The following SYNCRIP variants were observed in gnomAD, a reference collection of about 807,000 sequenced individuals.
The protein encoded by SYNCRIP is synaptotagmin binding cytoplasmic RNA interacting protein.
In SYNCRIP, 9 loss-of-function variants were observed where a neutral mutation model predicts 68.9. The observed-to-expected ratio is 0.13, with a 90% CI of 0.08 to 0.23. The LOEUF (loss-of-function observed/expected upper bound fraction) is 0.23. SYNCRIP is among the 10% of genes least tolerant of loss of function. The pLI is 1.00. For synonymous variants in SYNCRIP, 258 were observed against 254.0 expected, an observed-to-expected ratio of 1.02 and a Z score of -0.15; for missense variants, 414 against 770.6, an observed-to-expected ratio of 0.54 and a Z score of 5.48.
At chr6:85,640,748 C>A (rs1048822074) in intron 2 of SYNCRIP, among the ~76,000 whole-genome samples, 184 bp from the exon 3 acceptor site, 1 of 151,358 alleles carries the variant, frequency 6.6e-6, no homozygotes, top group Admixed American at 6.6e-5. Context: ...ATATGCCCTA[C>A]CAACCACACT....
At chr6:85,629,852 C>T (rs891672909) in intron 6 of SYNCRIP, among the ~76,000 whole-genome samples, 4 of 150,798 alleles carry the variant, frequency 2.7e-5, no homozygotes, top group African/African-American at 7.3e-5. Context: ...GGCATGGTGG[C>T]GGGCTCCTGT....
At chr6:85,619,552 T>G in intron 8 of SYNCRIP, 135 bp from the exon 9 acceptor site, 1 of 729,138 alleles carries the variant, frequency 1.4e-6, no homozygotes, top group Non-Finnish European at 2.1e-6. Flanking sequence ...AAAAAAAGTT[T>G]TCAACTCCTT....
At chr6:85,622,779 T>A in intron 7 of SYNCRIP, 92 bp from the exon 8 acceptor site, 4 of 1,002,566 alleles carry the variant, frequency 4.0e-6, no homozygotes, top group Admixed American at 2.2e-5. Context: ...TACTTAAATA[T>A]CAAAATGAAA....
intron 10 of SYNCRIP, among the ~76,000 whole-genome samples, 183 bp downstream of exon 10, chr6:85,618,635 T>C (rs187868644): frequency 2.9e-3 from 442 of 152,312 alleles, no homozygotes; most frequent in Non-Finnish European, 5.3e-3. Context: ...TTCACAAATA[T>C]GGTTCATAGT....
At chr6:85,636,801 T>G (rs1241868425) in intron 6 of SYNCRIP, among the ~76,000 whole-genome samples, 166 bp downstream of exon 6, 2 of 151,802 alleles carry the variant, frequency 1.3e-5, no homozygotes, top group African/African-American at 2.4e-5. Context: ...CAACTATACA[T>G]GCAAAGAATA....
chr6:85,638,189 T>G (rs1342623756), intron 4 of SYNCRIP, among the ~76,000 whole-genome samples: 4 of 151,954 alleles, frequency 2.6e-5, no homozygotes, highest in African/African-American at 9.7e-5. Flanking sequence ...CTGGCCAAGA[T>G]GGTGAAACCC....
chr6:85,607,817 ACACT>A (rs1295000827), downstream of SYNCRIP: 1 of 152,108 alleles, frequency 6.6e-6, no homozygotes, highest in Non-Finnish European at 1.5e-5. Context: ...GACTTCTCCC[ACACT>A]CAAAGTCAAA....
chr6:85,635,774 CAAAAAAAAAAA>C (rs58599854), intron 6 of SYNCRIP, among the ~76,000 whole-genome samples: 12 of 78,916 alleles, frequency 1.5e-4, no homozygotes, highest in East Asian at 7.9e-4. Flanking sequence ...TTCTATCTCC[CAAAAAAAAAAA>C]AAAAAAAAAA....
chr6:85,624,898 TGGCGGCAGC>T (rs1396527706), intron 6 of SYNCRIP, among the ~76,000 whole-genome samples: 5 of 152,228 alleles, frequency 3.3e-5, no homozygotes, highest in Admixed American at 6.5e-5. Context: ...TTACTAATAA[TGGCGGCAGC>T]AGCGGCAATA....
chr6:85,632,881 G>C (rs1414946117), intron 6 of SYNCRIP, among the ~76,000 whole-genome samples: 4 of 152,292 alleles, frequency 2.6e-5, no homozygotes, highest in Non-Finnish European at 2.9e-5. Context: ...AGGTTAGTGA[G>C]CATTGATCAT....
At chr6:85,643,520 C>A (rs1009911805), upstream of SYNCRIP, among the ~76,000 whole-genome samples, 16 of 152,074 alleles carry the variant, frequency 1.1e-4, no homozygotes, top group Admixed American at 9.2e-4. Flanking sequence ...GACACTCCCC[C>A]TCCCTCTCCC....
intron 9 of SYNCRIP, 45 bp from the exon 10 acceptor site, chr6:85,618,984 A>G (rs187753768): frequency 2.4e-5 from 37 of 1,550,286 alleles, no homozygotes; most frequent in Non-Finnish European, 3.2e-5. Context: ...ACTTTCATAC[A>G]ATTATGATTC....
chr6:85,622,394 T>A (rs1806518959), intron 8 of SYNCRIP, 88 bp downstream of exon 8: 3 of 1,223,006 alleles, frequency 2.5e-6, no homozygotes, highest in Non-Finnish European at 3.6e-6. Flanking sequence ...AAAAAATGTA[T>A]ACTGTTCATT....
At chr6:85,623,925 A>G in intron 7 of SYNCRIP, 52 bp downstream of exon 7, 1 of 1,590,194 alleles carries the variant, frequency 6.3e-7, no homozygotes, top group Non-Finnish European at 8.6e-7. Context: ...GAAATATGCT[A>G]TTAATCTTCA....
chr6:85,642,896 G>A (rs1490219797), upstream of SYNCRIP: 3 of 152,654 alleles, frequency 2.0e-5, no homozygotes, highest in African/African-American at 2.4e-5. Flanking sequence ...TGGAGCTGTT[G>A]TAAAATGGCG....
At chr6:85,641,087 C>T (rs1406211535) in intron 2 of SYNCRIP, among the ~76,000 whole-genome samples, 1 of 152,186 alleles carries the variant, frequency 6.6e-6, no homozygotes, top group African/African-American at 2.4e-5. Context: ...AGCATGCAAG[C>T]CAGCCTTTAG....
At chr6:85,623,252 C>T (rs904627875) in intron 7 of SYNCRIP, among the ~76,000 whole-genome samples, 6 of 151,918 alleles carry the variant, frequency 3.9e-5, no homozygotes, top group African/African-American at 1.5e-4. Flanking sequence ...ATTTTTTTAC[C>T]ATGTTGACAA....
chr6:85,624,660 G>T (rs1389640156), intron 6 of SYNCRIP, among the ~76,000 whole-genome samples: 2 of 152,294 alleles, frequency 1.3e-5, no homozygotes, highest in Admixed American at 6.5e-5. Context: ...AAGAGAAGTA[G>T]ATTTGTCATG....
At chr6:85,641,544 C>CTACACCAGCTAGCT (rs1809151640) in intron 1 of SYNCRIP, 93 bp from the exon 2 acceptor site, 1 of 1,273,862 alleles carries the variant, frequency 7.9e-7, no homozygotes, top group Admixed American at 2.4e-5. Context: ...CTACCATTTA[C>CTACACCAGCTAGCT]TACACCAGCT....
Sources: gnomAD v4.1 joint callset for allele counts (sites outside exome capture counted in the v4.1 genomes callset) on GRCh38, gnomAD v4.1.1 for gene constraint, MANE v1.5 for transcripts, NCBI Gene and HGNC (gene_info 2026-07-23, HGNC 2026-07-21) for gene names.